NALF1: variants seen among roughly 807,000 people sequenced by gnomAD.
The protein encoded by NALF1 is family with sequence similarity 155 member A.
A neutral mutation model predicts 48.4 loss-of-function variants in NALF1; 3 were observed. That is an observed-to-expected ratio of 0.06 (90% CI 0.03 to 0.16). NALF1 has a LOEUF of 0.16. Among genes scored for constraint, NALF1 ranks in the 10% least tolerant of loss-of-function variants. The probability of loss-of-function intolerance (pLI) is 1.00; values close to 1 mark genes in which losing one functional copy is unlikely to be tolerated. For synonymous variants in NALF1, 262 were observed against 245.7 expected, an observed-to-expected ratio of 1.07 and a Z score of -0.62; for missense variants, 526 against 571.5, an observed-to-expected ratio of 0.92 and a Z score of 0.81.
chr13:107,448,101 C>T (rs1884680325), intron 1 of NALF1, among the ~76,000 whole-genome samples: 1 of 152,064 alleles, frequency 6.6e-6, no homozygotes, highest in African/African-American at 2.4e-5. Flanking sequence ...GTTCATTAGC[C>T]CGAGCCCCTG....
intron 1 of NALF1, among the ~76,000 whole-genome samples, chr13:107,640,150 A>C (rs1407800340): frequency 1.3e-5 from 2 of 152,174 alleles, no homozygotes; most frequent in African/African-American, 4.8e-5. Flanking sequence ...AATTATAATT[A>C]AAAGAAACTT....
rs1878632982 is a variant in NALF1, at chr13:107,165,146, T to C, written c.*5351A>G. ...TAAAAATTAAAAATCTATATTTTAT[T>C]AAAATATTCCCATAGACCCTCTTCT... On this transcript the variant is annotated 3_prime_UTR_variant, in exon 3 of 3. Transcript: ENST00000375915. 1 of 152,210 alleles carries C rather than the reference T, an allele frequency of 6.6e-6. No homozygotes were observed. Among genetic ancestry groups the C allele is most frequent in the Non-Finnish European group, 1.5e-5 (1 of 68,050 alleles). 9.4% of individuals were successfully genotyped at this position (152,210 alleles called of 1,614,324 possible).
chr13:107,726,695 C>A (rs1053184055), intron 1 of NALF1, among the ~76,000 whole-genome samples: 6 of 151,410 alleles, frequency 4.0e-5, no homozygotes, highest in Non-Finnish European at 8.8e-5. Context: ...CTGCAACCTC[C>A]GCCTCCCAGG....
chr13:107,421,296 C>T (rs1462881688), intron 1 of NALF1, among the ~76,000 whole-genome samples: 2 of 152,088 alleles, frequency 1.3e-5, no homozygotes, highest in Non-Finnish European at 2.9e-5. Flanking sequence ...TCAGATATAT[C>T]TCAATACTCA....
chr13:107,469,208 G>T (rs528392674), intron 1 of NALF1, among the ~76,000 whole-genome samples: 1 of 152,042 alleles, frequency 6.6e-6, no homozygotes, highest in African/African-American at 2.4e-5. Context: ...ATTTTAGAGC[G>T]CATTTATTAT....
At chr13:107,365,688 C>A (rs1450379492) in intron 1 of NALF1, among the ~76,000 whole-genome samples, 2 of 152,314 alleles carry the variant, frequency 1.3e-5, no homozygotes, top group East Asian at 3.9e-4. Flanking sequence ...TAATCTCATT[C>A]CATTCCTGGG....
chr13:107,515,931 G>GA (rs1440769944), intron 1 of NALF1, among the ~76,000 whole-genome samples: 7 of 152,146 alleles, frequency 4.6e-5, no homozygotes, highest in African/African-American at 1.2e-4. Flanking sequence ...GAAAGGAACT[G>GA]AAAAAATCTC....
rs1217572266 is a variant in NALF1 at position 107,210,766 on chromosome 13, G to C, written c.916-11C>G. 6.2e-7 allele frequency: 1 copy of C among 1,603,078 alleles called. No homozygotes were observed. Among genetic ancestry groups the C allele is most frequent in the Non-Finnish European group, 8.5e-7 (1 of 1,170,256 alleles). On this transcript the variant is annotated splice_polypyrimidine_tract_variant and intron_variant, in intron 1 of 2. Coordinates refer to ENST00000375915, the MANE Select transcript of NALF1 (RefSeq NM_001080396.3). ...GGCTTTGTAGACAATCTGAAAAAAA[G>C]AGAAGAATGAAAAATATAGAGGCGT...
At chr13:107,505,636 A>C (rs972057904) in intron 1 of NALF1, among the ~76,000 whole-genome samples, 1 of 152,138 alleles carries the variant, frequency 6.6e-6, no homozygotes, top group African/African-American at 2.4e-5. Flanking sequence ...GCGAGAGAAG[A>C]GCAAGTGTGG....
intron 1 of NALF1, among the ~76,000 whole-genome samples, chr13:107,304,658 G>A (rs1325778223): frequency 6.6e-6 from 1 of 152,158 alleles, no homozygotes; most frequent in Non-Finnish European, 1.5e-5. Context: ...ACACTTAAGA[G>A]CAGGAGAAAA....
At chr13:107,201,231 C>T (rs112264637) in intron 2 of NALF1, among the ~76,000 whole-genome samples, 88 of 152,146 alleles carry the variant, frequency 5.8e-4, no homozygotes, top group African/African-American at 1.9e-3. Context: ...ATAGATATCT[C>T]TCAATGTATA....
At chr13:107,525,650 A>C (rs1406734708) in intron 1 of NALF1, among the ~76,000 whole-genome samples, 2 of 152,124 alleles carry the variant, frequency 1.3e-5, no homozygotes, top group African/African-American at 2.4e-5. Context: ...TTTTTTAGTC[A>C]GATGATAAAT....
chr13:107,587,795 T>A lies in NALF1; in HGVS notation c.915+277887A>T, dbSNP rs538708987. The stretch of plus-strand genomic sequence containing the variant: ...TATTAGATTAATTGTTGTCCATAAT[T>A]TTGTTTTCAACTGGGCTAGAGGTGA... On this transcript the variant is annotated intron_variant, in intron 1 of 2. Transcript: ENST00000375915. Among the ~76,000 whole-genome samples, 8 of 152,268 alleles carry A rather than the reference T, an allele frequency of 5.3e-5. No homozygotes were observed. In the East Asian group the frequency reaches 1.5e-3, roughly 29 times the overall value.
chr13:107,474,371 T>G (rs1312634553), intron 1 of NALF1, among the ~76,000 whole-genome samples: 1 of 152,190 alleles, frequency 6.6e-6, no homozygotes, highest in Non-Finnish European at 1.5e-5. Flanking sequence ...GTGTTAGTTT[T>G]TAGCTCCTGC....
At chr13:107,205,213 T>C (rs1879612669) in intron 2 of NALF1, among the ~76,000 whole-genome samples, 1 of 151,844 alleles carries the variant, frequency 6.6e-6, no homozygotes, top group Non-Finnish European at 1.5e-5. Flanking sequence ...TGTGTCCATG[T>C]GATCTCATTG....
chr13:107,624,788 A>T (rs1453609430), intron 1 of NALF1, among the ~76,000 whole-genome samples: 1 of 152,236 alleles, frequency 6.6e-6, no homozygotes, highest in African/African-American at 2.4e-5. Context: ...CTGCTTTCTC[A>T]GCAAGGAATA....
intron 1 of NALF1, among the ~76,000 whole-genome samples, chr13:107,352,734 G>T (rs1261585792): frequency 1.3e-5 from 2 of 152,168 alleles, no homozygotes; most frequent in Non-Finnish European, 2.9e-5. Flanking sequence ...ATTTTGACAT[G>T]TTGAGGGGCC....
At chr13:107,388,786 C>A (rs1883572318) in intron 1 of NALF1, among the ~76,000 whole-genome samples, 1 of 151,968 alleles carries the variant, frequency 6.6e-6, no homozygotes, top group African/African-American at 2.4e-5. Flanking sequence ...ATCCAGGAAA[C>A]AACTGTCCTT....
At chr13:107,683,029 G>T (rs1374636361) in intron 1 of NALF1, among the ~76,000 whole-genome samples, 1 of 152,198 alleles carries the variant, frequency 6.6e-6, no homozygotes, top group African/African-American at 2.4e-5. Context: ...TTGGGAGGCT[G>T]AGGAGGGAGG....
Sources: allele counts gnomAD v4.1 joint callset (sites outside exome capture counted in the v4.1 genomes callset), GRCh38; gene constraint gnomAD v4.1.1; transcripts MANE v1.5; gene names NCBI Gene and HGNC (gene_info 2026-07-23, HGNC 2026-07-21).